TAF15: variants seen among roughly 807,000 people sequenced by gnomAD.
TAF15 encodes the protein TATA-box binding protein associated factor 15.
A neutral mutation model predicts 102.5 loss-of-function variants in TAF15; 37 were observed. The observed-to-expected ratio is 0.36, with a 90% CI of 0.28 to 0.47. The LOEUF (loss-of-function observed/expected upper bound fraction) is 0.47. Ranked by LOEUF, TAF15 falls within the 20% of genes least tolerant of loss-of-function variation. The probability of loss-of-function intolerance (pLI) is 0.99; values close to 1 mark genes in which losing one functional copy is unlikely to be tolerated. For missense variants in TAF15, 652 were observed against 760.7 expected (o/e 0.86, Z 1.68); for synonymous variants, 273 against 259.2 (o/e 1.05, Z -0.51).
At chr17:35,811,287 C>T (rs185825484) in intron 1 of TAF15, 6 of 152,260 alleles carry the variant, frequency 3.9e-5, no homozygotes, top group Non-Finnish European at 7.3e-5. Context: ...TATAAGCTGG[C>T]TTAATCATTA....
intron 15 of TAF15, 28 bp downstream of exon 15, chr17:35,845,066 T>G (rs556454068): frequency 1.9e-6 from 3 of 1,612,904 alleles, no homozygotes; most frequent in Non-Finnish European, 2.5e-6. Context: ...TTTATTAACC[T>G]TTTTACCTCA....
intron 12 of TAF15, among the ~76,000 whole-genome samples, chr17:35,842,784 G>A (rs567508035): frequency 6.6e-6 from 1 of 152,236 alleles, no homozygotes; most frequent in South Asian, 2.1e-4. Context: ...TCAGGCTGGA[G>A]TGGAGTGGCG....
rs200797802 is a variant in TAF15, at chr17:35,817,767, A to T, written c.47+12A>T. On this transcript the variant is annotated intron_variant, in intron 2 of 15. Transcript: ENST00000605844. ...GGTGAGCAGCAAAGGTAAAGTATAC[A>T]TACATTTTAATAATATGAAAGGGTA... 9.3e-6 allele frequency: 15 copies of T among 1,611,714 alleles called. No individual in the cohort carries two copies. The East Asian group carries it at 3.1e-4, about 34-fold the overall frequency.
intron 7 of TAF15, among the ~76,000 whole-genome samples, chr17:35,826,026 TTGAA>T (rs1246089986): frequency 1.3e-5 from 2 of 152,120 alleles, no homozygotes; most frequent in African/African-American, 4.8e-5. Context: ...CGAAAGGACT[TTGAA>T]TGATCCTCCT....
chr17:35,812,999 A>C (rs1396617764), intron 1 of TAF15, among the ~76,000 whole-genome samples: 2 of 151,562 alleles, frequency 1.3e-5, no homozygotes, highest in Non-Finnish European at 2.9e-5. Flanking sequence ...AGGTGGCGGG[A>C]ACCTGTAATC....
intron 7 of TAF15, chr17:35,833,490 A>C: frequency 6.2e-6 from 1 of 161,848 alleles, no homozygotes. Flanking sequence ...CTCCCGTTCT[A>C]CCATCAAAAT....
intron 7 of TAF15, among the ~76,000 whole-genome samples, chr17:35,826,145 T>A (rs2087322772): frequency 6.6e-6 from 1 of 152,140 alleles, no homozygotes; most frequent in Non-Finnish European, 1.5e-5. Flanking sequence ...AGATACTGAC[T>A]TATAAACTAA....
At chr17:35,822,580 A>G (rs893016451) in intron 5 of TAF15, 60 bp from the exon 6 acceptor site, 12 of 1,540,916 alleles carry the variant, frequency 7.8e-6, no homozygotes, top group African/African-American at 1.4e-5. Context: ...GTTTCAGCCA[A>G]CTTGCTACAG....
At chr17:35,809,638 C>T (rs927301273) in intron 1 of TAF15, 62 bp downstream of exon 1, 4 of 1,609,656 alleles carry the variant, frequency 2.5e-6, no homozygotes, top group Non-Finnish European at 3.4e-6. Context: ...GTTGGGCTGT[C>T]TTCCCGCCCA....
intron 1 of TAF15, among the ~76,000 whole-genome samples, chr17:35,814,329 C>T (rs1245103246): frequency 2.0e-5 from 3 of 151,940 alleles, no homozygotes; most frequent in Admixed American, 1.3e-4. Context: ...CCACCACGTC[C>T]GGCTAATTTT....
intron 7 of TAF15, chr17:35,830,168 A>T (rs1470335274): frequency 6.6e-6 from 1 of 151,934 alleles, no homozygotes; most frequent in Middle Eastern, 3.4e-3. Flanking sequence ...GTATGCAACT[A>T]GCTGGGGGCT....
rs771348980 is a variant in TAF15, at chr17:35,822,857, T to C, written c.484+24T>C. 4 of 1,611,584 alleles carry C rather than the reference T, an allele frequency of 2.5e-6. No homozygotes were observed. In the African/African-American group the frequency reaches 4.0e-5, roughly 16 times the overall value. On this transcript the variant is annotated intron_variant, in intron 6 of 15. Coordinates refer to ENST00000605844, the MANE Select transcript of TAF15 (RefSeq NM_139215.3). ...AGGTAAGATTTACTGACCTCTATTA[T>C]TATTTTTCCCCCTCTCAGAATTATT...
intron 7 of TAF15, among the ~76,000 whole-genome samples, chr17:35,833,244 A>T (rs1008862035): frequency 6.6e-6 from 1 of 152,176 alleles, no homozygotes; most frequent in African/African-American, 2.4e-5. Context: ...ATGTGGCAGC[A>T]TGAACCTCCG....
intron 1 of TAF15, among the ~76,000 whole-genome samples, chr17:35,816,137 A>G (rs760664589): frequency 5.1e-4 from 78 of 152,102 alleles, no homozygotes; most frequent in Admixed American, 2.1e-3. Flanking sequence ...TTCATTTACT[A>G]TTCTTAAGCA....
At chr17:35,834,683 T>C in intron 9 of TAF15, 85 bp downstream of exon 9, 2 of 1,288,948 alleles carry the variant, frequency 1.6e-6, no homozygotes, top group South Asian at 2.4e-5. Context: ...TTGGAGGGGC[T>C]TAGTACAGGA....
intron 11 of TAF15, among the ~76,000 whole-genome samples, chr17:35,839,500 G>T (rs1282491452): frequency 7.0e-6 from 1 of 143,730 alleles, no homozygotes; most frequent in Non-Finnish European, 1.5e-5. Flanking sequence ...TCCTGCCTCA[G>T]CCTCCCCAGT....
chr17:35,833,975 A>G (rs2087438555), intron 8 of TAF15, 34 bp downstream of exon 8: 1 of 1,612,090 alleles, frequency 6.2e-7, no homozygotes, highest in African/African-American at 1.3e-5. Flanking sequence ...GTTTCAGTGG[A>G]AATGCTATAT....
At chr17:35,829,173 G>A (rs2087367209) in intron 7 of TAF15, among the ~76,000 whole-genome samples, 1 of 152,118 alleles carries the variant, frequency 6.6e-6, no homozygotes, top group Admixed American at 6.5e-5. Context: ...CACAGCATGG[G>A]TTTTTAAGCT....
intron 2 of TAF15, among the ~76,000 whole-genome samples, chr17:35,818,062 C>T (rs948147909): frequency 6.6e-6 from 1 of 152,012 alleles, no homozygotes; most frequent in Non-Finnish European, 1.5e-5. Flanking sequence ...ACTGTAATCT[C>T]CACTACAGAC....
Sources: allele counts gnomAD v4.1 joint callset (sites outside exome capture counted in the v4.1 genomes callset), GRCh38; gene constraint gnomAD v4.1.1; transcripts MANE v1.5; gene names NCBI Gene and HGNC (gene_info 2026-07-23, HGNC 2026-07-21).